Variants in PDS5A observed in about 807,000 individuals in gnomAD.
PDS5A encodes sister chromatid cohesion protein PDS5 homolog A.
In PDS5A, 42 loss-of-function variants were observed where a neutral mutation model predicts 167.1. The observed-to-expected ratio is 0.25, with a 90% CI of 0.20 to 0.33. The LOEUF (loss-of-function observed/expected upper bound fraction) is 0.33, where lower values mean the gene tolerates loss of function less well. Ranked by LOEUF, PDS5A falls within the 10% of genes least tolerant of loss-of-function variation. PDS5A has a pLI of 1.00. For synonymous variants in PDS5A, 553 were observed against 554.6 expected, an observed-to-expected ratio of 1.00 and a Z score of 0.04; for missense variants, 1,033 against 1,605.9, an observed-to-expected ratio of 0.64 and a Z score of 6.10.
intron 20 of PDS5A, 111 bp downstream of exon 20, chr4:39,874,177 TA>T: frequency 1.3e-6 from 1 of 781,520 alleles, no homozygotes. Context: ...ATTTATAGTC[TA>T]AGGTAGGACT....
intron 2 of PDS5A, among the ~76,000 whole-genome samples, chr4:39,945,991 G>A (rs756489969): frequency 1.3e-5 from 2 of 151,930 alleles, no homozygotes; most frequent in Non-Finnish European, 2.9e-5. Flanking sequence ...GGGATCACTT[G>A]AGGTCAGGAG....
intron 17 of PDS5A, among the ~76,000 whole-genome samples, chr4:39,886,565 T>C (rs1174274453): frequency 6.6e-6 from 1 of 151,926 alleles, no homozygotes; most frequent in Non-Finnish European, 1.5e-5. Context: ...AATACAAAAT[T>C]AGGCAGGTGC....
chr4:39,895,199 C>CA (rs34303340), intron 16 of PDS5A, among the ~76,000 whole-genome samples: 34,328 of 92,474 alleles, frequency 0.37, 6,633 homozygotes, highest in Middle Eastern at 0.47. Flanking sequence ...GACTCCGTCT[C>CA]AAAAAAAAAA....
intron 13 of PDS5A, 86 bp from the exon 14 acceptor site, chr4:39,900,593 A>T: frequency 1.3e-6 from 1 of 788,916 alleles, no homozygotes; most frequent in Non-Finnish European, 2.2e-6. Flanking sequence ...TGCATGCTGT[A>T]TATACACCAT....
In PDS5A at chr4:39,834,498, T is replaced by C. The variant is rs973008540; in HGVS notation, c.4010+3358A>G. On this transcript the variant is annotated intron_variant, in intron 32 of 32. Transcript: ENST00000303538. ...TGCAAGAGTTCCCATGGGAAATCAT[T>C]AGGCATCCAGCTTACAGTACTGATT... 2.6e-5 allele frequency among the ~76,000 whole-genome samples: 4 copies of C among 152,192 alleles called. No homozygotes were observed. In the East Asian group the frequency reaches 7.7e-4, roughly 29 times the overall value.
Sources: allele counts gnomAD v4.1 joint callset (sites outside exome capture counted in the v4.1 genomes callset), GRCh38; gene constraint gnomAD v4.1.1; transcripts MANE v1.5; gene names NCBI Gene and HGNC (gene_info 2026-07-23, HGNC 2026-07-21).